PKD1L3: variants seen among roughly 807,000 people sequenced by gnomAD.
PKD1L3 encodes the protein polycystin 1 like 3, transient receptor potential channel interacting.
Under a neutral mutation model 184.1 loss-of-function variants are expected in PKD1L3, and 239 were observed. The observed-to-expected ratio is 1.30, with a 90% CI of 1.17 to 1.45. The LOEUF (loss-of-function observed/expected upper bound fraction) is 1.45. PKD1L3 is among the 40% of genes most tolerant of loss of function. The pLI, the probability that PKD1L3 is intolerant of heterozygous loss-of-function variation, is 0.00. For missense variants in PKD1L3, 2,660 were observed against 2,067.2 expected, an observed-to-expected ratio of 1.29 and a Z score of -5.56; for synonymous variants, 996 against 778.8, an observed-to-expected ratio of 1.28 and a Z score of -4.64.
rs2040908139 is a variant in PKD1L3 at position 71,999,809 on chromosome 16, A to G, written c.170T>C (p.Phe57Ser). 2 of 1,551,742 alleles carry G rather than the reference A, an allele frequency of 1.3e-6. No homozygotes were observed. Among genetic ancestry groups the G allele is most frequent in the Non-Finnish European group, 1.7e-6 (2 of 1,146,988 alleles). ...AQHYCHVQRG[F>S]LAHIWNKEVQ... ...TTCCTTGTTCCAAATATGAGCTAGG[A>G]ATCCTCTCTGCACATGACAGTAATG... Residue 57 changes from phenylalanine (F) to serine (S), a missense_variant, in exon 1 of 30, where the codon TTC becomes TCC. Phe to Ser is a radical substitution (Grantham distance 155). Transcript: ENST00000620267.
chr16:71,972,186 A>T (rs1282205672), intron 12 of PKD1L3, among the ~76,000 whole-genome samples: 1 of 151,938 alleles, frequency 6.6e-6, no homozygotes, highest in South Asian at 2.1e-4. Flanking sequence ...ACTGCACCCC[A>T]GCCTGGCCGA....
chr16:71,955,319 A>G (rs2039002561), intron 16 of PKD1L3, among the ~76,000 whole-genome samples: 1 of 151,692 alleles, frequency 6.6e-6, no homozygotes, highest in African/African-American at 2.4e-5. Context: ...AGGGAGAGGG[A>G]AAGTAATAAT....
intron 3 of PKD1L3, among the ~76,000 whole-genome samples, 177 bp from the exon 4 acceptor site, chr16:71,990,506 G>A (rs1295527233): frequency 6.6e-6 from 1 of 152,192 alleles, no homozygotes; most frequent in East Asian, 1.9e-4. Flanking sequence ...GCTGAGGCAG[G>A]CAGATCACTT....
intron 1 of PKD1L3, 98 bp from the exon 2 acceptor site, chr16:71,998,492 C>T (rs2040866440): frequency 6.9e-7 from 1 of 1,440,122 alleles, no homozygotes; most frequent in Middle Eastern, 2.5e-4. Context: ...ACTCAGTCAC[C>T]CAAGCTGGAG....
chr16:71,955,776 G>A (rs561082844), intron 16 of PKD1L3, among the ~76,000 whole-genome samples: 3 of 152,198 alleles, frequency 2.0e-5, no homozygotes, highest in Non-Finnish European at 2.9e-5. Context: ...TCTTGTGATC[G>A]TGAGCGAGTT....
intron 16 of PKD1L3, among the ~76,000 whole-genome samples, chr16:71,957,481 T>A (rs182677001): frequency 3.4e-4 from 52 of 152,282 alleles, no homozygotes; most frequent in Admixed American, 6.5e-4. Context: ...ATAATTTAGA[T>A]ATGAAGACAC....
chr16:71,930,017 AT>A lies in PKD1L3; in HGVS notation c.5058+34del. ...GTTACAGTGGAGCTTTCCCAGTGAT[AT>A]AACAGCATGCTAGTTTATCTTTTAG... On this transcript the variant is annotated intron_variant, in intron 29 of 29. Transcript: ENST00000620267. 2.0e-6 allele frequency: 3 copies of A among 1,534,922 alleles called. No individual in the cohort carries two copies. The East Asian group carries it at 7.4e-5, about 38-fold the overall frequency.
At chr16:71,955,867 G>A (rs1381648015) in intron 16 of PKD1L3, among the ~76,000 whole-genome samples, 1 of 152,140 alleles carries the variant, frequency 6.6e-6, no homozygotes, top group Non-Finnish European at 1.5e-5. Context: ...GAAGAAGGAT[G>A]TGTTTGCTTC....
intron 9 of PKD1L3, 92 bp from the exon 10 acceptor site, chr16:71,978,475 A>ATATT: frequency 2.6e-6 from 1 of 385,426 alleles, no homozygotes; most frequent in Non-Finnish European, 4.5e-6. Flanking sequence ...ATATGTATAT[A>ATATT]TGTGTGTGTG....
At chr16:71,978,104 T>C (rs1196727188) in intron 10 of PKD1L3, 151 bp downstream of exon 10, 1 of 931,696 alleles carries the variant, frequency 1.1e-6, no homozygotes, top group Non-Finnish European at 1.5e-6. Context: ...GGATAAGGTG[T>C]ATCTCTTTGT....
At chr16:71,992,635 T>G (rs952741030) in intron 3 of PKD1L3, among the ~76,000 whole-genome samples, 1 of 152,220 alleles carries the variant, frequency 6.6e-6, no homozygotes, top group African/African-American at 2.4e-5. Context: ...GATTTTACAT[T>G]TGTTCTTTAA....
chr16:71,954,250 CCA>C lies in PKD1L3; in HGVS notation c.2662_2663del (p.Trp888AlafsTer47). On this transcript the variant is annotated frameshift_variant, in exon 17 of 30. Transcript: ENST00000620267. LOFTEE classifies it high-confidence loss of function. The part of the protein sequence containing the change: ...IVEKFTQDYL[W>X]LSIATRHPWN... ...AGGGATGCCGAGTTGCAATTGAAAG[CCA>C]CAGATAATCCTGGGTGAACTTTTCC... 1 of 1,549,626 alleles carries C rather than the reference CCA, an allele frequency of 6.5e-7. No individual in the cohort carries two copies. Among genetic ancestry groups the C allele is most frequent in the Non-Finnish European group, 8.7e-7 (1 of 1,146,154 alleles).
At chr16:71,983,819 G>A (rs556112530) in intron 6 of PKD1L3, among the ~76,000 whole-genome samples, 38 of 151,158 alleles carry the variant, frequency 2.5e-4, no homozygotes, top group African/African-American at 7.8e-4. Flanking sequence ...GCCCGCCACC[G>A]AGCCCAGCTA....
At chr16:71,995,421 A>G (rs1406263866) in intron 2 of PKD1L3, among the ~76,000 whole-genome samples, 3 of 152,212 alleles carry the variant, frequency 2.0e-5, no homozygotes, top group South Asian at 2.1e-4. Context: ...TCTCATTTCC[A>G]TCTTCATCCT....
At chr16:71,970,201 G>A (rs1297556480) in intron 12 of PKD1L3, 96 bp from the exon 13 acceptor site, 5 of 970,440 alleles carry the variant, frequency 5.2e-6, no homozygotes, top group East Asian at 2.6e-5. Context: ...ATGGAAAGAG[G>A]TATCTGGTTC....
intron 2 of PKD1L3, among the ~76,000 whole-genome samples, chr16:71,995,134 A>C (rs894691206): frequency 2.0e-5 from 3 of 152,192 alleles, no homozygotes; most frequent in African/African-American, 7.2e-5. Flanking sequence ...TCCAAGAAGA[A>C]GGCACTGGCA....
chr16:71,963,389 G>T, intron 15 of PKD1L3, 38 bp from the exon 16 acceptor site: 1 of 1,507,176 alleles, frequency 6.6e-7, no homozygotes, highest in South Asian at 1.3e-5. Flanking sequence ...AGGGAGATGG[G>T]CTTGAATCAG....
chr16:71,995,870 T>C (rs747875243), intron 2 of PKD1L3, among the ~76,000 whole-genome samples: 1 of 152,232 alleles, frequency 6.6e-6, no homozygotes, highest in Non-Finnish European at 1.5e-5. Context: ...TAGCAACTTA[T>C]GAGAGTACCT....
chr16:71,993,380 C>T lies in PKD1L3; in HGVS notation c.419-48G>A, dbSNP rs531959045. 1.5e-5 allele frequency: 18 copies of T among 1,197,546 alleles called. No homozygotes were observed. In the South Asian group the frequency reaches 2.4e-4, roughly 16 times the overall value. The allele number at this position is 1,197,546 out of a possible 1,614,324, so 74.2% of individuals were successfully genotyped here. A position where few individuals can be genotyped will look rare whatever the true frequency, so the allele number is the denominator to read the frequency against. ...GTTAATTTATAGGTTATAGCTATGG[C>T]TACAAGTCTATAAAACCATCATTAC... On this transcript the variant is annotated intron_variant, in intron 2 of 29. Coordinates refer to ENST00000620267, the MANE Select transcript of PKD1L3 (RefSeq NM_181536.2).
Sources: gnomAD v4.1 joint callset for allele counts (sites outside exome capture counted in the v4.1 genomes callset) on GRCh38, gnomAD v4.1.1 for gene constraint, MANE v1.5 for transcripts, NCBI Gene and HGNC (gene_info 2026-07-23, HGNC 2026-07-21) for gene names.